KCNT1: variants seen among roughly 807,000 people sequenced by gnomAD.
The protein encoded by KCNT1 is potassium sodium-activated channel subfamily T member 1, also known as potassium channel subfamily T member 1.
A neutral mutation model predicts 147.8 loss-of-function variants in KCNT1; 78 were observed. The ratio of observed to expected loss-of-function variants is 0.53; its 90% CI spans 0.44 to 0.64. The LOEUF is 0.64. Among genes scored for constraint, KCNT1 ranks in the 30% least tolerant of loss-of-function variants. KCNT1 has a pLI of 0.00. For synonymous variants in KCNT1, 867 were observed against 748.8 expected (o/e 1.16, Z -2.58); for missense variants, 1,419 against 1,750.3 (o/e 0.81, Z 3.38).
chr9:135,753,910 C>A (rs1211207870), intron 4 of KCNT1, 27 bp from the exon 5 acceptor site: 9 of 1,613,546 alleles, frequency 5.6e-6, no homozygotes, highest in Non-Finnish European at 7.6e-6. Context: ...GGGGCCAGGG[C>A]CGGGCCAGCG....
intron 24 of KCNT1, among the ~76,000 whole-genome samples, chr9:135,781,253 A>G (rs1833588789): frequency 6.6e-6 from 1 of 152,246 alleles, no homozygotes; most frequent in Non-Finnish European, 1.5e-5. Context: ...AGCAGCCGTG[A>G]GCTCCTCTGG....
chr9:135,766,325 G>T (rs1564364235), intron 13 of KCNT1, among the ~76,000 whole-genome samples: 1 of 149,720 alleles, frequency 6.7e-6, no homozygotes, highest in Non-Finnish European at 1.5e-5. Context: ...GCTGTCTGGG[G>T]TGGGCCATTC....
At position 135,783,459 on chromosome 9, in the gene KCNT1, G is replaced by A. The variant is rs868457656; in HGVS notation, c.2842-565G>A. 5.9e-5 allele frequency among the ~76,000 whole-genome samples: 9 copies of A among 152,354 alleles called. No individual in the cohort carries two copies. In the Middle Eastern group the frequency reaches 0.014, roughly 230 times the overall value. On this transcript the variant is annotated intron_variant, in intron 24 of 30. Coordinates refer to ENST00000371757, the MANE Select transcript of KCNT1 (RefSeq NM_020822.3). ...CCAGCCTGAGACACCTCAAACTCCC[G>A]ACTCCAGAAACGGGAGAGAGGAGAC... is the stretch of plus-strand genomic sequence containing the variant.
chr9:135,783,541 T>C (rs1289673702), intron 24 of KCNT1, among the ~76,000 whole-genome samples: 1 of 152,178 alleles, frequency 6.6e-6, no homozygotes, highest in Non-Finnish European at 1.5e-5. Flanking sequence ...CCCAGGAAAC[T>C]CAGTGGGTCC....
intron 6 of KCNT1, 53 bp downstream of exon 6, chr9:135,755,222 TG>T (rs1564349694): frequency 3.9e-6 from 6 of 1,526,282 alleles, no homozygotes; most frequent in Non-Finnish European, 5.3e-6. Context: ...CAGTAAGCAC[TG>T]AGGACCAACC....
rs144391018 is a variant in KCNT1 at position 135,772,367 on chromosome 9, C to A, written c.2009-348C>A. Among the ~76,000 whole-genome samples, 464 of 152,294 alleles carry A rather than the reference C, an allele frequency of 3.0e-3. 3 individuals are homozygous for A. Among genetic ancestry groups the A allele is most frequent in the African/African-American group, 0.011 (450 of 41,558 alleles). On this transcript the variant is annotated intron_variant, in intron 18 of 30. Transcript: ENST00000371757. ...TCCCCACCTGGCCCCATCCACCAGG[C>A]AGCCTGACCAGCTGCACAGGCCCCT...
chr9:135,728,980 C>G (rs1332754475), intron 2 of KCNT1, among the ~76,000 whole-genome samples: 3 of 152,080 alleles, frequency 2.0e-5, no homozygotes, highest in Non-Finnish European at 2.9e-5. Context: ...CCCATGGTAC[C>G]TTAGACTATG....
rs563774750 is a variant in KCNT1 at position 135,778,142 on chromosome 9, G to A, written c.2523-282G>A. On this transcript the variant is annotated intron_variant, in intron 21 of 30. Transcript: ENST00000371757. ...GAGGGATAAATGGCTCTTCCTCCTG[G>A]GCACCTTTTTGCCCAGGGGACCCTA... Among the ~76,000 whole-genome samples the A allele has an allele frequency of 3.3e-5, 5 of 152,250 alleles. No homozygotes were observed. In the East Asian group the frequency reaches 7.7e-4, roughly 24 times the overall value.
chr9:135,779,958 T>C (rs1833489132), intron 24 of KCNT1, among the ~76,000 whole-genome samples: 1 of 152,248 alleles, frequency 6.6e-6, no homozygotes, highest in Non-Finnish European at 1.5e-5. Context: ...CCTCCTTGTA[T>C]TGACAAGGGA....
chr9:135,745,113 C>T (rs771767267), intron 2 of KCNT1, among the ~76,000 whole-genome samples: 17 of 152,238 alleles, frequency 1.1e-4, no homozygotes, highest in Admixed American at 5.2e-4. Flanking sequence ...AGACGGATGC[C>T]GCCATGAGCG....
chr9:135,753,099 T>TGA (rs1415655487), intron 4 of KCNT1, among the ~76,000 whole-genome samples: 1 of 150,668 alleles, frequency 6.6e-6, no homozygotes, highest in African/African-American at 2.4e-5. Context: ...GATGGAGGAA[T>TGA]GAGTGGATGG....
chr9:135,718,918 G>T (rs1237119051), intron 2 of KCNT1, among the ~76,000 whole-genome samples: 3 of 152,244 alleles, frequency 2.0e-5, no homozygotes, highest in Non-Finnish European at 4.4e-5. Context: ...TCCCAGCGGG[G>T]ATGACCCAGC....
rs1434362639 is a variant in KCNT1, at chr9:135,714,669, A to G, written c.203A>G (p.Tyr68Cys). 1 of 1,484,140 alleles carries G rather than the reference A, an allele frequency of 6.7e-7. No homozygotes were observed. The highest frequency in any genetic ancestry group is 9.0e-7 in the Non-Finnish European group (1 of 1,108,026). 91.9% of individuals were successfully genotyped at this position (1,484,140 alleles called of 1,614,324 possible). A position where few individuals can be genotyped will look rare whatever the true frequency, so the allele number is the denominator to read the frequency against. ...GAGGTGCTGCCCTTGCCGCCGCGCT[A>G]CCGCTTCCGGGACCTGCTGCTGGGC... ...DSEVLPLPPR[Y>C]RFRDLLLGDP... The change falls in exon 2 of 31, where the codon TAC becomes TGC. Residue 68 changes from tyrosine (Y) to cysteine (C), a missense_variant. By Grantham distance (194) the Tyr-to-Cys change is radical. Around this residue, in one of 5 missense-constraint regions of KCNT1, gnomAD observed 181 missense variants for 155.7 expected, o/e 1.16. Transcript: ENST00000371757. The surrounding 1 kb of genome is among the most constrained non-coding windows in gnomAD (Gnocchi z 6.2).
At position 135,777,205 on chromosome 9, in the gene KCNT1, G is replaced by A. The variant is rs1833230501; in HGVS notation, c.2350-133G>A. On this transcript the variant is annotated intron_variant, in intron 20 of 30. Coordinates refer to ENST00000371757, the MANE Select transcript of KCNT1 (RefSeq NM_020822.3). ...CTCCCCACAGGCGTGTGCAGGCCGT[G>A]AAAGGGCTGTGGGCCGAGAGGCTAA... 4.3e-6 allele frequency: 4 copies of A among 933,976 alleles called. No individual in the cohort carries two copies. In the East Asian group the frequency reaches 1.0e-4, roughly 24 times the overall value. The allele number at this position is 933,976 out of a possible 1,614,324, so 57.9% of individuals were successfully genotyped here.
intron 1 of KCNT1, among the ~76,000 whole-genome samples, chr9:135,705,641 C>G (rs750254041): frequency 1.3e-5 from 2 of 152,186 alleles, no homozygotes; most frequent in Non-Finnish European, 2.9e-5. Flanking sequence ...CTTGGGACCT[C>G]TCCCAGCTGT....
chr9:135,771,487 A>G (rs914803545), intron 18 of KCNT1, among the ~76,000 whole-genome samples: 1 of 152,212 alleles, frequency 6.6e-6, no homozygotes, highest in African/African-American at 2.4e-5. Context: ...GTGCCTGTCC[A>G]AGTGGGGCCG....
rs1554766004 is a variant in KCNT1 at position 135,730,990 on chromosome 9, T to TGGAAAAAA, written c.254+16270_254+16271insGGAAAAAA. 2.3e-5 allele frequency among the ~76,000 whole-genome samples: 2 copies of TGGAAAAAA among 85,594 alleles called. No homozygotes were observed. The highest frequency in any genetic ancestry group is 6.5e-4 in the East Asian group (2 of 3,060). The allele number at this position is 85,594 out of a possible 152,430, so 56.2% of individuals were successfully genotyped here. A position where few individuals can be genotyped will look rare whatever the true frequency, so the allele number is the denominator to read the frequency against. ...AACAAAGTGAGATCCCGTCTCAAGGTAAAAAAAAAAAAAAAAAAAAAAAGT... is the reference window on the plus strand; with the variant it reads ...AACAAAGTGAGATCCCGTCTCAAGGTGGAAAAAAAAAAAAAAAAAAAAAAAAAAAAAGT... On this transcript the variant is annotated intron_variant, in intron 2 of 30. Coordinates refer to ENST00000371757, the MANE Select transcript of KCNT1 (RefSeq NM_020822.3). This position sits in a 1 kb window ranked among gnomAD's most constrained non-coding sequence, Gnocchi z 4.7.
intron 1 of KCNT1, among the ~76,000 whole-genome samples, chr9:135,702,816 G>A (rs1305777794): frequency 1.3e-5 from 2 of 152,118 alleles, no homozygotes; most frequent in Non-Finnish European, 2.9e-5. Flanking sequence ...ACCCCACACA[G>A]TAGGGGGTTT....
At chr9:135,740,240 A>C (rs896849934) in intron 2 of KCNT1, among the ~76,000 whole-genome samples, 1 of 152,188 alleles carries the variant, frequency 6.6e-6, no homozygotes, top group Non-Finnish European at 1.5e-5. Context: ...CTGGGGGCAC[A>C]AAACTCCGCC....
Sources: allele counts gnomAD v4.1 joint callset (sites outside exome capture counted in the v4.1 genomes callset), GRCh38; gene constraint gnomAD v4.1.1; regional missense constraint gnomAD v4.1.1; non-coding constraint Gnocchi (gnomAD v3.1); transcripts MANE v1.5; gene names NCBI Gene and HGNC (gene_info 2026-07-23, HGNC 2026-07-21).